NCAM2: variants seen among roughly 807,000 people sequenced by gnomAD.
The protein encoded by NCAM2 is neural cell adhesion molecule 2.
NCAM2 carries 30 observed loss-of-function variants against 98.1 expected under a neutral mutation model. That is an observed-to-expected ratio of 0.31 (90% CI 0.23 to 0.41). The LOEUF is 0.41. Among genes scored for constraint, NCAM2 ranks in the 10% least tolerant of loss-of-function variants. The pLI is 1.00. For synonymous variants in NCAM2, 368 were observed against 342.4 expected (o/e 1.07, Z -0.83); for missense variants, 867 against 1,005.8 (o/e 0.86, Z 1.87).
At chr21:21,191,091 A>C (rs1449293346) in intron 1 of NCAM2, among the ~76,000 whole-genome samples, 1 of 152,178 alleles carries the variant, frequency 6.6e-6, no homozygotes, top group Non-Finnish European at 1.5e-5. Flanking sequence ...AATTGAGGCC[A>C]TGTGAGGGAA....
At chr21:21,441,846 G>GA (rs951910074) in intron 12 of NCAM2, among the ~76,000 whole-genome samples, 2 of 152,068 alleles carry the variant, frequency 1.3e-5, no homozygotes, top group Non-Finnish European at 2.9e-5. Context: ...GCACTAGAGA[G>GA]AAAAAATCAG....
chr21:21,480,366 C>CAAAAAAAAAAAAAAAAAAAAA (rs59203448), intron 15 of NCAM2, among the ~76,000 whole-genome samples: 5 of 69,946 alleles, frequency 7.1e-5, no homozygotes, highest in African/African-American at 3.0e-4. Flanking sequence ...GACTCCATCT[C>CAAAAAAAAAAAAAAAAAAAAA]AAAAAAAAAA....
At chr21:21,351,436 A>T (rs1469805917) in intron 8 of NCAM2, among the ~76,000 whole-genome samples, 1 of 152,146 alleles carries the variant, frequency 6.6e-6, no homozygotes, top group East Asian at 1.9e-4. Context: ...AATGTTGTGT[A>T]CTTAATTGTA....
chr21:21,025,326 C>T (rs1404010962), intron 1 of NCAM2, among the ~76,000 whole-genome samples: 4 of 152,140 alleles, frequency 2.6e-5, no homozygotes, highest in African/African-American at 7.2e-5. Context: ...ACCTCGTGGC[C>T]TGCCCACCTA....
intron 15 of NCAM2, among the ~76,000 whole-genome samples, chr21:21,495,078 T>C (rs1987125107): frequency 6.6e-6 from 1 of 151,882 alleles, no homozygotes; most frequent in Non-Finnish European, 1.5e-5. Context: ...AAAGGATAGC[T>C]AAAACTATAA....
In NCAM2 at chr21:21,506,811, TTA is replaced by T. The variant is rs572433860; in HGVS notation, c.2078-2038_2078-2037del. Among the ~76,000 whole-genome samples, 828 of 152,276 alleles carry T rather than the reference TTA, an allele frequency of 5.4e-3. 11 individuals carry two copies. The highest frequency in any genetic ancestry group is 0.019 in the African/African-American group (798 of 41,562). On this transcript the variant is annotated intron_variant, in intron 15 of 17. Transcript: ENST00000400546. ...AGGTATTGAAATTGACATTAATACA[TTA>T]TTTTTTTTCACTACCTTGTGTTTAT...
intron 1 of NCAM2, among the ~76,000 whole-genome samples, chr21:21,279,374 T>C (rs2072844372): frequency 6.6e-6 from 1 of 152,170 alleles, no homozygotes; most frequent in African/African-American, 2.4e-5. Context: ...GTTTTTGTTT[T>C]CTGAGACAGA....
intron 1 of NCAM2, among the ~76,000 whole-genome samples, chr21:20,999,618 T>C (rs2063982913): frequency 6.6e-6 from 1 of 152,234 alleles, no homozygotes; most frequent in South Asian, 2.1e-4. Flanking sequence ...AGATATGTAA[T>C]GATTGCAAAG....
intron 14 of NCAM2, among the ~76,000 whole-genome samples, chr21:21,475,233 G>T (rs1985012131): frequency 6.6e-6 from 1 of 152,056 alleles, no homozygotes; most frequent in South Asian, 2.1e-4. Flanking sequence ...AATGGCGCTA[G>T]AGTGTATTAT....
intron 8 of NCAM2, among the ~76,000 whole-genome samples, chr21:21,364,261 T>A (rs2075728595): frequency 6.6e-6 from 1 of 152,008 alleles, no homozygotes; most frequent in Admixed American, 6.6e-5. Context: ...ATAGGCATAT[T>A]TATTTAAATA....
In NCAM2 at chr21:21,336,258, C is replaced by T. The variant is rs80344481; in HGVS notation, c.898+593C>T. ...TGGGTGCTTCTAATAGAATTTTTCC[C>T]TTTAATTAGTGTAACACTAAAAAAT... On this transcript the variant is annotated intron_variant, in intron 7 of 17. Coordinates refer to ENST00000400546, the MANE Select transcript of NCAM2 (RefSeq NM_004540.5). Among the ~76,000 whole-genome samples, 1,270 of 152,106 alleles carry T rather than the reference C, an allele frequency of 8.3e-3. 18 individuals carry two copies. Among genetic ancestry groups the T allele is most frequent in the African/African-American group, 0.029 (1,213 of 41,492 alleles).
chr21:21,214,408 G>C (rs2069781661), intron 1 of NCAM2, among the ~76,000 whole-genome samples: 2 of 152,018 alleles, frequency 1.3e-5, no homozygotes, highest in South Asian at 4.1e-4. Context: ...GAAAATTTGG[G>C]TAGGGTCACA....
At chr21:21,284,550 A>G in intron 3 of NCAM2, 150 bp downstream of exon 3, 1 of 637,632 alleles carries the variant, frequency 1.6e-6, no homozygotes, top group Non-Finnish European at 2.7e-6. Context: ...TGTATCTTAG[A>G]ATAGAATAGC....
At chr21:21,425,217 C>A (rs951514979) in intron 11 of NCAM2, among the ~76,000 whole-genome samples, 19 of 151,644 alleles carry the variant, frequency 1.3e-4, no homozygotes, top group Non-Finnish European at 1.5e-4. Flanking sequence ...ACGTATGTAA[C>A]TAACCTGCAC....
chr21:21,445,377 C>T (rs1457098713), intron 12 of NCAM2, among the ~76,000 whole-genome samples: 1 of 152,112 alleles, frequency 6.6e-6, no homozygotes, highest in Non-Finnish European at 1.5e-5. Flanking sequence ...AGTTAAAGTC[C>T]TGAATATCCT....
At chr21:21,327,306 C>CAA (rs11384559) in intron 6 of NCAM2, among the ~76,000 whole-genome samples, 12,290 of 81,286 alleles carry the variant, frequency 0.15, 1,287 homozygotes, top group East Asian at 0.3. Flanking sequence ...GACTCTGTCT[C>CAA]AAAAAAAAAA....
chr21:21,364,319 C>A (rs186743738), intron 8 of NCAM2, among the ~76,000 whole-genome samples: 153 of 151,980 alleles, frequency 1.0e-3, no homozygotes, highest in African/African-American at 3.6e-3. Context: ...GCCTGAGGAT[C>A]ATTCAAAGCT....
intron 1 of NCAM2, among the ~76,000 whole-genome samples, chr21:20,999,341 C>T (rs2063977107): frequency 6.7e-6 from 1 of 148,850 alleles, no homozygotes; most frequent in African/African-American, 2.6e-5. Context: ...CTGGTGGAAG[C>T]TTTTATCTCT....
intron 8 of NCAM2, among the ~76,000 whole-genome samples, chr21:21,373,473 C>T (rs927056657): frequency 1.2e-4 from 18 of 151,784 alleles, no homozygotes; most frequent in Non-Finnish European, 2.1e-4. Flanking sequence ...ATTCAAAGCA[C>T]AGGATATTGT....
Sources: allele counts gnomAD v4.1 joint callset (sites outside exome capture counted in the v4.1 genomes callset), GRCh38; gene constraint gnomAD v4.1.1; transcripts MANE v1.5; gene names NCBI Gene and HGNC (gene_info 2026-07-23, HGNC 2026-07-21).